Variants in TJP1 observed in about 807,000 individuals in gnomAD.
The protein encoded by TJP1 is tight junction protein 1, also known as tight junction protein ZO-1.
TJP1 carries 43 observed loss-of-function variants against 194.2 expected under a neutral mutation model. That is an observed-to-expected ratio of 0.22 (90% CI 0.17 to 0.29). TJP1 has a LOEUF of 0.29. TJP1 is among the 10% of genes least tolerant of loss of function. TJP1 has a pLI of 1.00. For missense variants in TJP1, 1,971 were observed against 2,185.7 expected (o/e 0.90, Z 1.96); for synonymous variants, 801 against 779.0 (o/e 1.03, Z -0.47).
intron 18 of TJP1, among the ~76,000 whole-genome samples, chr15:29,722,297 G>C (rs1013341351): frequency 2.0e-5 from 3 of 152,182 alleles, no homozygotes; most frequent in African/African-American, 7.2e-5. Flanking sequence ...GGTGATCCAG[G>C]CCCGGCCCTG....
intron 2 of TJP1, among the ~76,000 whole-genome samples, chr15:29,857,559 T>G: frequency 6.6e-6 from 1 of 152,020 alleles, no homozygotes; most frequent in South Asian, 2.1e-4. Flanking sequence ...TACAGACAAA[T>G]AAGAATAAAA....
chr15:29,762,557 A>G, intron 5 of TJP1, 119 bp from the exon 6 acceptor site: 1 of 663,332 alleles, frequency 1.5e-6, no homozygotes, highest in South Asian at 2.4e-5. Context: ...AATCAATAAC[A>G]AGAAATATTT....
At chr15:29,704,136 CA>C in intron 27 of TJP1, 25 bp downstream of exon 27, 1 of 1,547,776 alleles carries the variant, frequency 6.5e-7, no homozygotes, top group Non-Finnish European at 8.7e-7. Context: ...CCAAAGCTCC[CA>C]AAGGACAGAG....
chr15:29,877,071 C>A (rs2052729516), intron 2 of TJP1, among the ~76,000 whole-genome samples: 1 of 152,190 alleles, frequency 6.6e-6, no homozygotes, highest in African/African-American at 2.4e-5. Context: ...TCTGATAGGG[C>A]AGGATTCTAC....
chr15:29,829,495 T>C (rs2050771268), intron 2 of TJP1, among the ~76,000 whole-genome samples: 1 of 152,148 alleles, frequency 6.6e-6, no homozygotes, highest in African/African-American at 2.4e-5. Flanking sequence ...TTTTTCCTCA[T>C]GCTCACCTTT....
intron 2 of TJP1, among the ~76,000 whole-genome samples, chr15:29,911,711 A>T (rs2054019847): frequency 6.6e-6 from 1 of 152,194 alleles, no homozygotes; most frequent in African/African-American, 2.4e-5. Context: ...AACACTGTGG[A>T]TTATAATTTG....
At chr15:29,920,336 A>T (rs1730704024) in intron 2 of TJP1, among the ~76,000 whole-genome samples, 1 of 152,106 alleles carries the variant, frequency 6.6e-6, no homozygotes, top group South Asian at 2.1e-4. Flanking sequence ...ATATAAGGCT[A>T]CTCCTCTTGA....
chr15:29,784,598 C>T (rs1449521818), intron 2 of TJP1, among the ~76,000 whole-genome samples: 1 of 152,136 alleles, frequency 6.6e-6, no homozygotes, highest in African/African-American at 2.4e-5. Context: ...CCGTACCCAG[C>T]CGAGTCAAGG....
At chr15:29,926,071 C>T (rs1018960073) in intron 2 of TJP1, among the ~76,000 whole-genome samples, 1 of 152,146 alleles carries the variant, frequency 6.6e-6, no homozygotes, top group African/African-American at 2.4e-5. Context: ...ACCCACACTC[C>T]CCCCAGTGGA....
chr15:29,801,645 T>C (rs1434856723), intron 1 of TJP1, among the ~76,000 whole-genome samples: 3 of 151,256 alleles, frequency 2.0e-5, no homozygotes, highest in African/African-American at 7.3e-5. Flanking sequence ...GTATTTTTAG[T>C]ACAGACGGGG....
chr15:29,749,671 T>C (rs978963966), intron 8 of TJP1, among the ~76,000 whole-genome samples: 7 of 152,168 alleles, frequency 4.6e-5, no homozygotes, highest in African/African-American at 1.4e-4. Flanking sequence ...ACAAATACCA[T>C]GCAAGTTCGT....
At position 29,733,214 on chromosome 15, in the gene TJP1, T is replaced by C. The variant is rs2043787770; in HGVS notation, c.1616A>G (p.Lys539Arg). The change falls in exon 13 of 28, where the codon AAA (lysine) becomes AGA (arginine). Residue 539 changes from lysine (K) to arginine (R), a missense_variant. Around this residue, in one of 5 missense-constraint regions of TJP1, gnomAD observed 402 missense variants for 484.2 expected, o/e 0.83. Transcript: ENST00000614355. ...KESPYGLSFNKGEVFRVVDTL... is the reference protein window; with the variant it reads ...KESPYGLSFNRGEVFRVVDTL... ...ATCCACAACACGGAACACCTCTCCTTTGTTAAAACTAAGTCCATAGGGAGA... is the reference window on the plus strand; with the variant it reads ...ATCCACAACACGGAACACCTCTCCTCTGTTAAAACTAAGTCCATAGGGAGA... 1 of 1,614,126 alleles carries C rather than the reference T, an allele frequency of 6.2e-7. No homozygotes were observed. Among genetic ancestry groups the C allele is most frequent in the African/African-American group, 1.3e-5 (1 of 75,080 alleles).
chr15:29,811,913 C>A (rs74816071), intron 1 of TJP1, among the ~76,000 whole-genome samples: 4 of 152,190 alleles, frequency 2.6e-5, no homozygotes, highest in Non-Finnish European at 5.9e-5. Flanking sequence ...TACAGGCCAA[C>A]CTTTGTCCAT....
intron 8 of TJP1, among the ~76,000 whole-genome samples, chr15:29,752,583 C>T (rs1025997702): frequency 6.6e-6 from 1 of 152,056 alleles, no homozygotes; most frequent in Non-Finnish European, 1.5e-5. Flanking sequence ...TCTTTTGGCC[C>T]CTCACAAAAG....
chr15:29,884,734 A>C (rs1362776036), intron 2 of TJP1, among the ~76,000 whole-genome samples: 2 of 152,330 alleles, frequency 1.3e-5, no homozygotes, highest in East Asian at 3.9e-4. Context: ...GTTTAAGTTT[A>C]CAACTGAGCG....
intron 12 of TJP1, 68 bp downstream of exon 12, chr15:29,734,206 G>T: frequency 2.7e-6 from 3 of 1,091,746 alleles, no homozygotes; most frequent in South Asian, 3.0e-5. Context: ...TTTAAAAATG[G>T]AATAAATCCC....
At chr15:29,801,632 T>G (rs964729101) in intron 1 of TJP1, among the ~76,000 whole-genome samples, 6 of 151,346 alleles carry the variant, frequency 4.0e-5, no homozygotes, top group African/African-American at 1.5e-4. Context: ...CGGCTAATTT[T>G]TTGTATTTTT....
At chr15:29,916,348 A>G (rs1043895476) in intron 2 of TJP1, among the ~76,000 whole-genome samples, 26 of 152,050 alleles carry the variant, frequency 1.7e-4, no homozygotes, top group African/African-American at 4.8e-4. Context: ...CAGAAGCCCT[A>G]TGAAATGCTC....
At chr15:29,918,676 C>T (rs1409241639) in intron 2 of TJP1, among the ~76,000 whole-genome samples, 2 of 151,936 alleles carry the variant, frequency 1.3e-5, no homozygotes, top group Non-Finnish European at 2.9e-5. Flanking sequence ...GAGGTCGAGG[C>T]TGCAGTAAGC....
Sources: gnomAD v4.1 joint callset for allele counts (sites outside exome capture counted in the v4.1 genomes callset) on GRCh38, gnomAD v4.1.1 for gene constraint, gnomAD v4.1.1 regional missense constraint, MANE v1.5 for transcripts, NCBI Gene and HGNC (gene_info 2026-07-23, HGNC 2026-07-21) for gene names.